BRCA1: variants seen among roughly 807,000 people sequenced by gnomAD.
BRCA1 encodes breast cancer type 1 susceptibility protein.
BRCA1 carries 140 observed loss-of-function variants against 173.7 expected under a neutral mutation model. The ratio of observed to expected loss-of-function variants is 0.81; its 90% confidence interval spans 0.70 to 0.93. The LOEUF (loss-of-function observed/expected upper bound fraction) is 0.93, where lower values mean the gene tolerates loss of function less well. BRCA1 is among the 40% of genes least tolerant of loss of function. BRCA1 has a pLI of 0.00. For missense variants in BRCA1, 1,983 were observed against 2,172.5 expected (o/e 0.91, Z 1.73); for synonymous variants, 662 against 756.0 (o/e 0.88, Z 2.04).
At chr17:43,141,784 C>A (rs949717393) in intron 1 of BRCA1, among the ~76,000 whole-genome samples, 1 of 151,754 alleles carries the variant, frequency 6.6e-6, no homozygotes, top group Admixed American at 6.6e-5. Context: ...TGCACTCCAA[C>A]CTGGGCGACA....
chr17:43,082,849 C>G (rs1186759030), intron 11 of BRCA1: 1 of 469,730 alleles, frequency 2.1e-6, no homozygotes, highest in Non-Finnish European at 3.8e-6. Context: ...TGGTTATTTT[C>G]TTTTAAAGCT....
chr17:43,125,536 T>C (rs1193774107), upstream of BRCA1: 10 of 317,622 alleles, frequency 3.1e-5, no homozygotes, highest in South Asian at 7.9e-5. Context: ...GGGCTCTGGA[T>C]TGGCCACCCA....
chr17:43,077,729 ATTTT>A, intron 12 of BRCA1, among the ~76,000 whole-genome samples: 1 of 142,154 alleles, frequency 7.0e-6, no homozygotes, highest in East Asian at 2.0e-4. Context: ...TTATTTATTT[ATTTT>A]TATTTATTTA....
chr17:43,055,400 C>A (rs1235440829), intron 19 of BRCA1, among the ~76,000 whole-genome samples: 1 of 152,172 alleles, frequency 6.6e-6, no homozygotes, highest in Non-Finnish European at 1.5e-5. Context: ...GTAATCCCAG[C>A]ACTTTGGGAA....
At chr17:43,154,016 G>C (rs1231549592) in intron 1 of BRCA1, among the ~76,000 whole-genome samples, 1 of 151,278 alleles carries the variant, frequency 6.6e-6, no homozygotes, top group Non-Finnish European at 1.5e-5. Context: ...GTGAAACCCC[G>C]TCTCTACTAA....
Position 43,137,401 on chromosome 17 carries a change from A to G in BRCA1, c.-19-13286T>C, listed in dbSNP as rs147088005. 3.6e-3 allele frequency among the ~76,000 whole-genome samples: 546 copies of G among 151,840 alleles called. 2 individuals are homozygous for G. The highest frequency in any genetic ancestry group is 0.012 in the African/African-American group (507 of 41,316). Reference sequence around the variant, plus strand: ...TGTAACAAACCTGCACGTTGTGCACATGTACCCTAGACCTTAAAGTATAAT... The same window carrying G: ...TGTAACAAACCTGCACGTTGTGCACGTGTACCCTAGACCTTAAAGTATAAT... On this transcript the variant is annotated intron_variant, in intron 1 of 7. Coordinates refer to the BRCA1 transcript ENST00000634433.
Position 43,074,332 on chromosome 17 carries a change from T to C in BRCA1, c.4674A>G (p.Leu1558=), listed in dbSNP as rs996042036. 1 of 1,613,942 alleles carries C rather than the reference T, an allele frequency of 6.2e-7. No homozygotes were observed. The highest frequency in any genetic ancestry group is 1.3e-5 in the African/African-American group (1 of 75,050). ...TETSYLPRQD[L]EGTPYLESGI... ...CCAATACAGCAGATGAAATATTACC[T>C]AGATCTTGCCTTGGCAAGTAAGATG... Residue 1558 remains leucine (L), a splice_region_variant and synonymous_variant, in exon 14 of 23, where the codon CTA becomes CTG. Transcript: ENST00000357654.
At position 43,092,201 on chromosome 17, in the gene BRCA1, CTTT is replaced by C. The variant is rs80357575; in HGVS notation, c.3327_3329del (p.Lys1110del). ...TCTGAACTACTTCTTCATATTCTTG[CTTT>C]TTTATTTCAGGATGCTTACAATTAC... On this transcript the variant is annotated inframe_deletion, in exon 10 of 23. Transcript: ENST00000357654. 14 of 1,612,574 alleles carry C rather than the reference CTTT, an allele frequency of 8.7e-6. No individual in the cohort carries two copies. The highest frequency in any genetic ancestry group is 2.2e-5 in the East Asian group (1 of 44,878).
At chr17:43,089,002 G>T (rs2154220139) in intron 11 of BRCA1, among the ~76,000 whole-genome samples, 1 of 152,208 alleles carries the variant, frequency 6.6e-6, no homozygotes, top group East Asian at 1.9e-4. Flanking sequence ...GGAAAATTTT[G>T]GTGCCACTTC....
intron 4 of BRCA1, among the ~76,000 whole-genome samples, chr17:43,106,075 C>T (rs559553352): frequency 2.0e-5 from 3 of 149,672 alleles, no homozygotes; most frequent in South Asian, 4.2e-4. Flanking sequence ...GCCGAGATCA[C>T]GCCACTGCAC....
chr17:43,117,597 G>A (rs2055354241), intron 2 of BRCA1, among the ~76,000 whole-genome samples: 2 of 152,004 alleles, frequency 1.3e-5, no homozygotes, highest in South Asian at 4.2e-4. Context: ...AAACTAACTG[G>A]GCATGGTGGC....
intron 1 of BRCA1, among the ~76,000 whole-genome samples, chr17:43,147,561 G>C (rs563535360): frequency 2.6e-5 from 4 of 152,220 alleles, no homozygotes; most frequent in Non-Finnish European, 4.4e-5. Flanking sequence ...ACCCGCCTCG[G>C]CCTCCCAAAG....
intron 1 of BRCA1, chr17:43,164,354 A>G (rs1300089039): frequency 2.0e-5 from 3 of 152,168 alleles, no homozygotes; most frequent in Non-Finnish European, 2.9e-5. Flanking sequence ...CCTGGATTAA[A>G]TGGTCCTAGT....
intron 6 of BRCA1, among the ~76,000 whole-genome samples, chr17:43,102,501 C>A (rs1736713668): frequency 6.6e-6 from 1 of 151,476 alleles, no homozygotes; most frequent in Non-Finnish European, 1.5e-5. Context: ...GGATTACAGG[C>A]ACGTGCCACC....
rs758515222 is a variant in BRCA1, at chr17:43,091,484, C to T, written c.4047G>A (p.Thr1349=). 5.6e-6 allele frequency: 9 copies of T among 1,613,412 alleles called. No homozygotes were observed. Among genetic ancestry groups the T allele is most frequent in the Admixed American group, 5.0e-5 (3 of 59,886 alleles). ...CTTCTTGATTATTTTCTTCCAAGCC[C>T]GTTCCTCTTTCTTCATCATCTGAAA... is the stretch of plus-strand genomic sequence containing the variant. ...ELVSDDEERG[T]GLEENNQEEQ... The change falls in exon 10 of 23, where the codon ACG becomes ACA. Residue 1349 remains threonine (T), a synonymous_variant. Coordinates refer to ENST00000357654, the MANE Select transcript of BRCA1 (RefSeq NM_007294.4).
chr17:43,129,871 C>A (rs1430156097), upstream of BRCA1, among the ~76,000 whole-genome samples: 1 of 152,122 alleles, frequency 6.6e-6, no homozygotes, highest in Non-Finnish European at 1.5e-5. Flanking sequence ...GCCTAAGGTC[C>A]TGGTGAATTG....
intron 13 of BRCA1, 144 bp from the exon 14 acceptor site, chr17:43,074,665 C>A: frequency 1.3e-6 from 1 of 752,256 alleles, no homozygotes; most frequent in Middle Eastern, 3.7e-4. Context: ...GCAAGACAGC[C>A]TAGAAGTCTG....
At chr17:43,117,148 T>C (rs1024251618) in intron 2 of BRCA1, among the ~76,000 whole-genome samples, 7 of 152,200 alleles carry the variant, frequency 4.6e-5, no homozygotes, top group Admixed American at 4.6e-4. Context: ...ATTTAGAAAA[T>C]GATAAGCTTA....
chr17:43,138,190 G>GA lies in BRCA1; in HGVS notation c.-19-14076dup, dbSNP rs544835428. ...CAAGAGCGAAACTCCATCTCAAAAG[G>GA]AAAAAAAAGCAAAAGAGAAAAAACC... On this transcript the variant is annotated intron_variant, in intron 1 of 7. Transcript: ENST00000634433. 3.0e-4 allele frequency: 55 copies of GA among 180,640 alleles called. No homozygotes were observed. In the South Asian group the frequency reaches 4.5e-3, roughly 15 times the overall value. 11.2% of individuals were successfully genotyped at this position (180,640 alleles called of 1,614,324 possible).
Sources: gnomAD v4.1 joint callset for allele counts (sites outside exome capture counted in the v4.1 genomes callset) on GRCh38, gnomAD v4.1.1 for gene constraint, MANE v1.5 for transcripts, NCBI Gene and HGNC (gene_info 2026-07-23, HGNC 2026-07-21) for gene names.